Variants in SMG1 observed in about 807,000 individuals in gnomAD.
SMG1 encodes SMG1 nonsense mediated mRNA decay associated PI3K related kinase.
A neutral mutation model predicts 419.9 loss-of-function variants in SMG1; 22 were observed. That is an observed-to-expected ratio of 0.05 (90% confidence interval 0.04 to 0.07). SMG1 has a LOEUF of 0.07. Among genes scored for constraint, SMG1 ranks in the 10% least tolerant of loss-of-function variants. SMG1 has a pLI of 1.00. For missense variants in SMG1, 3,185 were observed against 4,342.0 expected (o/e 0.73, Z 7.49); for synonymous variants, 1,538 against 1,553.5 (o/e 0.99, Z 0.23).
chr16:18,844,575 C>CACACACACACAA lies in SMG1; in HGVS notation c.6219+853_6219+854insTTGTGTGTGTGT, dbSNP rs2034145713. 1.5e-5 allele frequency among the ~76,000 whole-genome samples: 2 copies of CACACACACACAA among 133,042 alleles called. 1 individual carries two copies. Among genetic ancestry groups the CACACACACACAA allele is most frequent in the African/African-American group, 5.7e-5 (2 of 34,886 alleles). 87.3% of individuals were successfully genotyped at this position (133,042 alleles called of 152,430 possible). A position where few individuals can be genotyped will look rare whatever the true frequency, so the allele number is the denominator to read the frequency against. The stretch of plus-strand genomic sequence containing the variant: ...TAATAAACTTCATCCTTCTCTCACA[C>CACACACACACAA]ACACACACGGAAACTCGAGTTTTGG... On this transcript the variant is annotated intron_variant, in intron 39 of 62. Transcript: ENST00000446231.
chr16:18,899,374 C>CA (rs985204229), intron 1 of SMG1, among the ~76,000 whole-genome samples: 62 of 150,706 alleles, frequency 4.1e-4, no homozygotes, highest in East Asian at 2.3e-3. Flanking sequence ...AGAAATATAA[C>CA]AAAAAAAAAC....
At chr16:18,897,320 G>C (rs1297214679) in intron 1 of SMG1, among the ~76,000 whole-genome samples, 3 of 152,120 alleles carry the variant, frequency 2.0e-5, no homozygotes, top group Non-Finnish European at 4.4e-5. Flanking sequence ...TTGATAATAA[G>C]AATAATTCTT....
At chr16:18,909,986 A>G (rs530375346) in intron 1 of SMG1, among the ~76,000 whole-genome samples, 16 of 151,198 alleles carry the variant, frequency 1.1e-4, no homozygotes, top group African/African-American at 3.2e-4. Flanking sequence ...AGTAACTTTT[A>G]TAATTCCCTT....
At chr16:18,829,829 GT>G in intron 53 of SMG1, 74 bp from the exon 54 acceptor site, 3 of 1,451,526 alleles carry the variant, frequency 2.1e-6, no homozygotes, top group Non-Finnish European at 2.8e-6. Flanking sequence ...AGTATTTAAG[GT>G]GTCATGAATG....
In SMG1 at chr16:18,830,354, C is replaced by T. The variant is rs1318145141; in HGVS notation, c.8808G>A (p.Gln2936=). The change falls in exon 52 of 63, where the codon CAG becomes CAA. Residue 2936 remains glutamine, a synonymous_variant. Coordinates refer to ENST00000446231, the MANE Select transcript of SMG1 (RefSeq NM_015092.5). ...TTCTCGGTTGGATTAATTCACCGTACTGAGCATGTAGTAGTCTACAGAAAA... is the reference window on the plus strand; with the variant it reads ...TTCTCGGTTGGATTAATTCACCGTATTGAGCATGTAGTAGTCTACAGAAAA... The part of the protein sequence containing the change: ...YIDVARLLHA[Q]YGELIQPRNG... The T allele has an allele frequency of 6.2e-7, 1 of 1,613,940 alleles. No homozygotes were observed. Among genetic ancestry groups the T allele is most frequent in the Non-Finnish European group, 8.5e-7 (1 of 1,179,884 alleles).
rs775003632 is a variant in SMG1, at chr16:18,866,702, T to C, written c.3269A>G (p.Gln1090Arg). The change falls in exon 23 of 63, where the codon CAG (glutamine) becomes CGG (arginine). Residue 1090 changes from glutamine to arginine, a missense_variant. This residue lies in a region of SMG1 where 121 missense variants were observed against 125.4 expected (regional missense o/e 0.96). Coordinates refer to ENST00000446231, the MANE Select transcript of SMG1 (RefSeq NM_015092.5). ...LCELHCPEAI[Q>R]GIAVWSSSIV... ...AGATGATGACCAGACAGCAATTCCC[T>C]GTATAGCTTCAGGACAATGAAGTTC... The C allele has an allele frequency of 2.5e-6, 4 of 1,595,170 alleles. No homozygotes were observed. The highest frequency in any genetic ancestry group is 2.2e-5 in the South Asian group (2 of 90,954).
chr16:18,875,825 G>C (rs1487392536), intron 13 of SMG1: 1 of 450,238 alleles, frequency 2.2e-6, no homozygotes, highest in Non-Finnish European at 3.9e-6. Flanking sequence ...AAGAAACACT[G>C]ACATTTTCTA....
Position 18,842,253 on chromosome 16 carries a change from G to T in SMG1, c.6421C>A (p.Leu2141Ile). Reference protein sequence around the residue: ...LPTKTKPKKLLFLGSDGKSYP... With the variant: ...LPTKTKPKKLIFLGSDGKSYP... Reference sequence around the variant, plus strand: ...CTCTTCCCATCTGATCCAAGAAAGAGAAGTTTCTTTGGCTTGGTTTTAGTC... The same window carrying T: ...CTCTTCCCATCTGATCCAAGAAAGATAAGTTTCTTTGGCTTGGTTTTAGTC... The change falls in exon 40 of 63, where the codon CTC (leucine) becomes ATC (isoleucine). Residue 2141 changes from leucine to isoleucine, a missense_variant. Leu to Ile is a conservative substitution (Grantham distance 5, BLOSUM62 2). This residue lies in a region of SMG1 where 159 missense variants were observed against 196.0 expected (regional missense o/e 0.81). Coordinates refer to ENST00000446231, the MANE Select transcript of SMG1 (RefSeq NM_015092.5). 6.2e-7 allele frequency: 1 copy of T among 1,613,984 alleles called. No individual in the cohort carries two copies. Among genetic ancestry groups the T allele is most frequent in the Non-Finnish European group, 8.5e-7 (1 of 1,179,840 alleles).
chr16:18,828,649 C>G (rs1030679328), intron 54 of SMG1, among the ~76,000 whole-genome samples: 1 of 152,164 alleles, frequency 6.6e-6, no homozygotes, highest in African/African-American at 2.4e-5. Context: ...GAAAGAGAAA[C>G]TACTTTAGAA....
intron 51 of SMG1, 60 bp from the exon 52 acceptor site, chr16:18,830,429 A>G (rs2033090081): frequency 1.3e-6 from 2 of 1,557,588 alleles, no homozygotes; most frequent in African/African-American, 2.7e-5. Context: ...TGGTGGGAAC[A>G]TACAAAGTCA....
At chr16:18,894,783 A>C (rs1373309616) in intron 3 of SMG1, among the ~76,000 whole-genome samples, 2 of 151,886 alleles carry the variant, frequency 1.3e-5, no homozygotes, top group African/African-American at 4.8e-5. Context: ...TTAAGGAAAA[A>C]AATTATCATT....
chr16:18,845,028 ATC>A (rs567782282), intron 39 of SMG1, among the ~76,000 whole-genome samples: 1 of 152,222 alleles, frequency 6.6e-6, no homozygotes, highest in Non-Finnish European at 1.5e-5. Context: ...CGACTATTTT[ATC>A]TGTTAGAAAT....
chr16:18,860,577 A>G, intron 26 of SMG1, 90 bp downstream of exon 26: 1 of 647,172 alleles, frequency 1.5e-6, no homozygotes, highest in Non-Finnish European at 2.7e-6. Flanking sequence ...AATGTAAAAT[A>G]ACTTCCAGAT....
chr16:18,874,719 A>G (rs1281341565), intron 13 of SMG1, among the ~76,000 whole-genome samples: 1 of 150,624 alleles, frequency 6.6e-6, no homozygotes, highest in East Asian at 2.0e-4. Flanking sequence ...TACAAAAATT[A>G]GCCCGTCGTA....
intron 46 of SMG1, 118 bp from the exon 47 acceptor site, chr16:18,836,650 G>T: frequency 9.9e-7 from 1 of 1,012,886 alleles, no homozygotes; most frequent in Non-Finnish European, 1.4e-6. Flanking sequence ...TTCACCTTGA[G>T]GGCCCTCCTC....
chr16:18,815,202 C>A lies in SMG1; in HGVS notation c.10594G>T (p.Ala3532Ser). ...TNECSSPTSS[A>S]TYQPSFAAAV... Reference sequence around the variant, plus strand: ...GCAGCGAAGGATGGCTGATAAGTAGCAGATGACGTTGGACTCGAACATTCA... The same window carrying A: ...GCAGCGAAGGATGGCTGATAAGTAGAAGATGACGTTGGACTCGAACATTCA... The change falls in exon 60 of 63, where the codon GCT (alanine) becomes TCT (serine). Residue 3532 changes from alanine (A) to serine (S), a missense_variant. Ala to Ser is a moderately conservative substitution (Grantham distance 99). Around this residue, in one of 27 missense-constraint regions of SMG1, gnomAD observed 737 missense variants for 846.6 expected, o/e 0.87. Transcript: ENST00000446231. 1 of 1,594,304 alleles carries A rather than the reference C, an allele frequency of 6.3e-7. No individual in the cohort carries two copies. Among genetic ancestry groups the A allele is most frequent in the Non-Finnish European group, 8.5e-7 (1 of 1,169,758 alleles).
Position 18,839,847 on chromosome 16 carries a change from G to C in SMG1, c.6796C>G (p.Leu2266Val). 6.2e-7 allele frequency: 1 copy of C among 1,613,840 alleles called. No individual in the cohort carries two copies. The highest frequency in any genetic ancestry group is 8.5e-7 in the Non-Finnish European group (1 of 1,179,830). Residue 2266 changes from leucine (L) to valine (V), a missense_variant, in exon 42 of 63, where the codon CTT (leucine) becomes GTT (valine). By Grantham distance (32) the Leu-to-Val change is conservative (BLOSUM62 1). Coordinates refer to ENST00000446231, the MANE Select transcript of SMG1 (RefSeq NM_015092.5). ...KIGPALKTVG[L>V]SLDVSRRDWP... Reference sequence around the variant, plus strand: ...TCCCGACGGGACACATCCAGGCTAAGCCCAACTGTTTTCAAAGCAGGGCCA... The same window carrying C: ...TCCCGACGGGACACATCCAGGCTAACCCCAACTGTTTTCAAAGCAGGGCCA...
chr16:18,883,471 C>T (rs901563004), intron 9 of SMG1, among the ~76,000 whole-genome samples: 5 of 151,734 alleles, frequency 3.3e-5, no homozygotes, highest in Admixed American at 6.6e-5. Flanking sequence ...CTCTGAAGAC[C>T]GGGAACAAAA....
rs1171795769 is a variant in SMG1 at position 18,817,356 on chromosome 16, A to C, written c.10009T>G (p.Cys3337Gly). ...CTGTTAAACTGTGATGCAAACGAAC[A>C]CATCTGCTGACATCGCTTGATTAGT... Reference protein sequence around the residue: ...FELIKRCQQMCSFASQFNSSV... With the variant: ...FELIKRCQQMGSFASQFNSSV... The change falls in exon 57 of 63, where the codon TGT becomes GGT. Residue 3337 changes from cysteine (C) to glycine (G), a missense_variant. Cys to Gly is a radical substitution (Grantham distance 159, BLOSUM62 -3). Around this residue, in one of 27 missense-constraint regions of SMG1, gnomAD observed 737 missense variants for 846.6 expected, o/e 0.87. Transcript: ENST00000446231. 2 of 1,611,826 alleles carry C rather than the reference A, an allele frequency of 1.2e-6. No individual in the cohort carries two copies. The highest frequency in any genetic ancestry group is 1.7e-6 in the Non-Finnish European group (2 of 1,178,972).
Sources: allele counts gnomAD v4.1 joint callset (sites outside exome capture counted in the v4.1 genomes callset), GRCh38; gene constraint gnomAD v4.1.1; regional missense constraint gnomAD v4.1.1; transcripts MANE v1.5; gene names NCBI Gene and HGNC (gene_info 2026-07-23, HGNC 2026-07-21).